GRIN3B: variants seen among roughly 807,000 people sequenced by gnomAD.
GRIN3B encodes glutamate ionotropic receptor NMDA type subunit 3B, also known as glutamate receptor ionotropic, NMDA 3B.
In GRIN3B, 77 loss-of-function variants were observed where a neutral mutation model predicts 66.0. That is an observed-to-expected ratio of 1.17 (90% CI 0.97 to 1.41). The LOEUF is 1.41. Among genes scored for constraint, GRIN3B ranks in the 40% most tolerant of loss-of-function variants. The pLI is 0.00. For synonymous variants in GRIN3B, 823 were observed against 749.7 expected (o/e 1.10, Z -1.60); for missense variants, 1,787 against 1,564.5 (o/e 1.14, Z -2.40).
rs889997671 is a variant in GRIN3B at position 1,003,721 on chromosome 19, C to T, written c.1018C>T (p.Arg340Trp). ...CGAGTCCCCGGGGCGCTTCTTGGCACGGTGAGTGGGGACCCTGCTTCCCTT... is the reference window on the plus strand; with the variant it reads ...CGAGTCCCCGGGGCGCTTCTTGGCATGGTGAGTGGGGACCCTGCTTCCCTT... ...GPESPGRFLA[R>W]FLANTSFQGR... The change falls in exon 2 of 9, where the codon CGG becomes TGG. Residue 340 changes from arginine to tryptophan, a missense_variant and splice_region_variant. Physicochemically the swap from Arg to Trp is moderately radical, Grantham distance 101. Transcript: ENST00000234389. 61 of 1,400,000 alleles carry T rather than the reference C, an allele frequency of 4.4e-5. No homozygotes were observed. The highest frequency in any genetic ancestry group is 8.7e-5 in the East Asian group (3 of 34,496). 86.7% of individuals were successfully genotyped at this position (1,400,000 alleles called of 1,614,324 possible). A position where few individuals can be genotyped will look rare whatever the true frequency, so the allele number is the denominator to read the frequency against.
chr19:1,009,585 C>T lies in GRIN3B; in HGVS notation c.3115C>T (p.Pro1039Ser). 1.4e-6 allele frequency: 2 copies of T among 1,442,820 alleles called. No individual in the cohort carries two copies. Among genetic ancestry groups the T allele is most frequent in the East Asian group, 2.8e-5 (1 of 35,708 alleles). The allele number at this position is 1,442,820 out of a possible 1,614,324, so 89.4% of individuals were successfully genotyped here. ...GGAGGCCCCACCACACTCTGGCCGA[C>T]CGGGGAGCCAGGAATGAGGCGGCAG... is the stretch of plus-strand genomic sequence containing the variant. ...PAEAPPHSGR[P>S]GSQE Residue 1039 changes from proline (P) to serine (S), a missense_variant, in exon 9 of 9, where the codon CCG (proline) becomes TCG (serine). Transcript: ENST00000234389.
At chr19:1,003,815 G>A (rs1403030503) in intron 2 of GRIN3B, 93 bp downstream of exon 2, 27 of 974,498 alleles carry the variant, frequency 2.8e-5, no homozygotes, top group East Asian at 2.3e-4. Context: ...GGCCAGACGC[G>A]GTGGCTCACG....
rs2240154 is a variant in GRIN3B at position 1,003,173 on chromosome 19, C to G, written c.470C>G (p.Thr157Arg). Reference protein sequence around the residue: ...LQLHWASPLETLLDVLVAVLQ... With the variant: ...LQLHWASPLERLLDVLVAVLQ... ...CTGCACTGGGCCAGCCCCCTGGAGA[C>G]GCTGCTGGATGTGCTGGTGGCGGTG... The change falls in exon 2 of 9, where the codon ACG becomes AGG. Residue 157 changes from threonine (T) to arginine (R), a missense_variant. Thr to Arg is a moderately conservative substitution (Grantham distance 71). Coordinates refer to ENST00000234389, the MANE Select transcript of GRIN3B (RefSeq NM_138690.3). The G allele has an allele frequency of 2.7e-6, 4 of 1,494,692 alleles. No homozygotes were observed. In the African/African-American group the frequency reaches 4.4e-5, roughly 16 times the overall value. The allele number at this position is 1,494,692 out of a possible 1,614,324, so 92.6% of individuals were successfully genotyped here. A position where few individuals can be genotyped will look rare whatever the true frequency, so the allele number is the denominator to read the frequency against.
rs763179471 is a variant in GRIN3B, at chr19:1,005,438, T to C, written c.1937T>C (p.Met646Thr). ...TPKCPTGRLL[M>T]NLWAIFCLLV... is the part of the protein sequence containing the mutation. ...AAGTGCCCCACGGGCCGCCTGCTCA[T>C]GAACCTCTGGGCCATCTTCTGCCTG... Residue 646 changes from methionine (M) to threonine (T), a missense_variant, in exon 3 of 9, where the codon ATG becomes ACG. By Grantham distance (81) the Met-to-Thr change is moderately conservative (BLOSUM62 -1). Transcript: ENST00000234389. The surrounding 1 kb of genome is among the most constrained non-coding windows in gnomAD (Gnocchi z 5.2). 5 of 1,613,594 alleles carry C rather than the reference T, an allele frequency of 3.1e-6. No individual in the cohort carries two copies. The South Asian group carries it at 5.5e-5, about 18-fold the overall frequency.
rs1568392180 is a variant in GRIN3B, at chr19:1,007,581, G to A, written c.2053-47G>A. ...AGAACGGCGCGCCCCTCAATGGTCAGGGGTCCTGAGGGGCAGGCAGAGGCG... is the reference window on the plus strand; with the variant it reads ...AGAACGGCGCGCCCCTCAATGGTCAAGGGTCCTGAGGGGCAGGCAGAGGCG... On this transcript the variant is annotated intron_variant, in intron 3 of 8. Transcript: ENST00000234389. The surrounding 1 kb of genome is among the most constrained non-coding windows in gnomAD (Gnocchi z 4.4). The A allele has an allele frequency of 7.0e-7, 1 of 1,423,838 alleles. No individual in the cohort carries two copies. The allele number at this position is 1,423,838 out of a possible 1,614,324, so 88.2% of individuals were successfully genotyped here. A position where few individuals can be genotyped will look rare whatever the true frequency, so the allele number is the denominator to read the frequency against.
Position 1,004,843 on chromosome 19 carries a change from C to A in GRIN3B, c.1342C>A (p.Pro448Thr). 1 of 1,612,272 alleles carries A rather than the reference C, an allele frequency of 6.2e-7. No homozygotes were observed. Among genetic ancestry groups the A allele is most frequent in the Non-Finnish European group, 8.5e-7 (1 of 1,179,328 alleles). ...QCPAGQLCLD[P>T]GTNDSATLDA... ...CCCAGCGGGGCAGCTGTGCCTGGAC[C>A]CTGGCACCAACGACTCGGCCACCCT... is the stretch of plus-strand genomic sequence containing the variant. Residue 448 changes from proline to threonine, a missense_variant, in exon 3 of 9, where the codon CCT becomes ACT. Coordinates refer to ENST00000234389, the MANE Select transcript of GRIN3B (RefSeq NM_138690.3).
chr19:1,001,984 G>T, intron 1 of GRIN3B: 1 of 152,346 alleles, frequency 6.6e-6, no homozygotes, highest in Non-Finnish European at 1.5e-5. Flanking sequence ...CCTGGGAAGC[G>T]CCCTGCCAAC....
Position 1,004,988 on chromosome 19 carries a change from A to G in GRIN3B, c.1487A>G (p.Glu496Gly). 6.8e-6 allele frequency: 11 copies of G among 1,611,998 alleles called. No homozygotes were observed. Among genetic ancestry groups the G allele is most frequent in the Non-Finnish European group, 9.3e-6 (11 of 1,179,580 alleles). Reference sequence around the variant, plus strand: ...GCGGAGGACACGCCCTTCGACTTCGAGCTGTACCTCGTGGGTGACGGCAAG... The same window carrying G: ...GCGGAGGACACGCCCTTCGACTTCGGGCTGTACCTCGTGGGTGACGGCAAG... Reference protein sequence around the residue: ...RLAEDTPFDFELYLVGDGKYG... With the variant: ...RLAEDTPFDFGLYLVGDGKYG... The change falls in exon 3 of 9, where the codon GAG becomes GGG. Residue 496 changes from glutamate to glycine, a missense_variant. By Grantham distance (98) the Glu-to-Gly change is moderately conservative. Transcript: ENST00000234389.
Position 1,004,506 on chromosome 19 carries a change from C to A in GRIN3B, c.1020-15C>A, listed in dbSNP as rs779563219. The A allele has an allele frequency of 6.4e-7, 1 of 1,563,328 alleles. No individual in the cohort carries two copies. Among genetic ancestry groups the A allele is most frequent in the Non-Finnish European group, 8.7e-7 (1 of 1,152,006 alleles). Reference sequence around the variant, plus strand: ...TGAACTTCGACACCTGACACCCCCCCCGCCCTGCCCCTAGGTTCCTGGCCA... The same window carrying A: ...TGAACTTCGACACCTGACACCCCCCACGCCCTGCCCCTAGGTTCCTGGCCA... On this transcript the variant is annotated splice_polypyrimidine_tract_variant and intron_variant, in intron 2 of 8. Coordinates refer to ENST00000234389, the MANE Select transcript of GRIN3B (RefSeq NM_138690.3).
Position 1,008,145 on chromosome 19 carries a change from G to A in GRIN3B, c.2320G>A (p.Gly774Arg). Reference sequence around the variant, plus strand: ...GCCTGGCCCCGCGCCCCCAGGCTATGGGATCGGACTGCCCCAGAACTCGCC... The same window carrying A: ...GCCTGGCCCCGCGCCCCCAGGCTATAGGATCGGACTGCCCCAGAACTCGCC... ...VGKPFAIEGY[G>R]IGLPQNSPLT... The change falls in exon 6 of 9, where the codon GGG (glycine) becomes AGG (arginine). Residue 774 changes from glycine to arginine, a missense_variant. Physicochemically the swap from Gly to Arg is moderately radical, Grantham distance 125. Transcript: ENST00000234389. 1.3e-6 allele frequency: 2 copies of A among 1,594,216 alleles called. No individual in the cohort carries two copies. Among genetic ancestry groups the A allele is most frequent in the African/African-American group, 2.7e-5 (2 of 74,840 alleles).
intron 2 of GRIN3B, among the ~76,000 whole-genome samples, chr19:1,004,301 C>T (rs1341589808): frequency 2.0e-5 from 3 of 152,134 alleles, no homozygotes; most frequent in Non-Finnish European, 2.9e-5. Context: ...TGGCTTCAGG[C>T]GTATGTGGAG....
At position 1,008,782 on chromosome 19, in the gene GRIN3B, G is replaced by A; in HGVS notation, c.2631G>A (p.Gln877=). ...TGCAGTACTGGCTGCACACCAGCCA[G>A]GTGGGGAGCGGGTGGGCGGCGGGCG... ...SRLQYWLHTS[Q]KIHRALNTEP... is the part of the protein sequence containing the mutation. Residue 877 remains glutamine, a splice_region_variant and synonymous_variant, in exon 7 of 9, where the codon CAG becomes CAA. Transcript: ENST00000234389. 2 of 1,599,710 alleles carry A rather than the reference G, an allele frequency of 1.3e-6. No homozygotes were observed. Among genetic ancestry groups the A allele is most frequent in the East Asian group, 2.3e-5 (1 of 44,156 alleles).
chr19:1,001,189 C>T (rs2038681152), intron 1 of GRIN3B, among the ~76,000 whole-genome samples: 1 of 152,082 alleles, frequency 6.6e-6, no homozygotes, highest in African/African-American at 2.4e-5. Context: ...CTGCCCCTTC[C>T]TTGCCCAGGC....
chr19:1,007,671 A>G lies in GRIN3B; in HGVS notation c.2096A>G (p.Glu699Gly). ...GGCTTCCGCTTCGGCACCGTGTGGG[A>G]GAGCAGCGCCGAGGCGTACATCAAG... ...AQGFRFGTVW[E>G]SSAEAYIKKS... The change falls in exon 4 of 9, where the codon GAG (glutamate) becomes GGG (glycine). Residue 699 changes from glutamate (E) to glycine (G), a missense_variant. Coordinates refer to ENST00000234389, the MANE Select transcript of GRIN3B (RefSeq NM_138690.3). The surrounding 1 kb of genome is among the most constrained non-coding windows in gnomAD (Gnocchi z 4.4). 6.5e-7 allele frequency: 1 copy of G among 1,534,410 alleles called. No homozygotes were observed. The highest frequency in any genetic ancestry group is 1.4e-5 in the African/African-American group (1 of 71,892).
rs755385031 is a variant in GRIN3B at position 1,008,714 on chromosome 19, T to G, written c.2563T>G (p.Phe855Val). 3 of 1,608,866 alleles carry G rather than the reference T, an allele frequency of 1.9e-6. No homozygotes were observed. In the South Asian group the frequency reaches 3.3e-5, roughly 18 times the overall value. ...ALLSSLGEHA[F>V]FRLALPRIRK... Reference sequence around the variant, plus strand: ...GCTCAGCTCGCTGGGCGAGCACGCCTTCTTCCGCCTGGCGCTGCCGCGCAT... The same window carrying G: ...GCTCAGCTCGCTGGGCGAGCACGCCGTCTTCCGCCTGGCGCTGCCGCGCAT... Residue 855 changes from phenylalanine (F) to valine (V), a missense_variant, in exon 7 of 9, where the codon TTC becomes GTC. Physicochemically the swap from Phe to Val is conservative, Grantham distance 50 (BLOSUM62 -1). Transcript: ENST00000234389.
rs1030800158 is a variant in GRIN3B, at chr19:1,000,831, C to T, written c.394C>T (p.Arg132Trp). ...ATETPVLSLL[R>W]REARAPLGAP... ...CGAGACCCCCGTGCTCAGCCTGCTG[C>T]GGCGGGAGGCGCGCGCGCCCCTCGG... The change falls in exon 1 of 9, where the codon CGG (arginine) becomes TGG (tryptophan). Residue 132 changes from arginine to tryptophan, a missense_variant. Transcript: ENST00000234389. 2 of 1,438,968 alleles carry T rather than the reference C, an allele frequency of 1.4e-6. No homozygotes were observed. The highest frequency in any genetic ancestry group is 3.0e-5 in the East Asian group (1 of 32,948). The allele number at this position is 1,438,968 out of a possible 1,614,324, so 89.1% of individuals were successfully genotyped here.
chr19:1,009,481 GCGGCC>G lies in GRIN3B; in HGVS notation c.3012_3016del (p.Gly1005AlafsTer74). ...CGGCTCCGCCAGGCCCTGGTGCGGC[GCGGCC>G]AGCTCCTGGCACAGCTCGGGGACAG... On this transcript the variant is annotated frameshift_variant, in exon 9 of 9. Transcript: ENST00000234389. LOFTEE classifies it low-confidence loss of function (END_TRUNC). 6.7e-7 allele frequency: 1 copy of G among 1,489,640 alleles called. No individual in the cohort carries two copies. The allele number at this position is 1,489,640 out of a possible 1,614,324, so 92.3% of individuals were successfully genotyped here.
Position 1,000,838 on chromosome 19 carries a change from A to G in GRIN3B, c.401A>G (p.Glu134Gly), listed in dbSNP as rs886877480. 2.1e-6 allele frequency: 3 copies of G among 1,418,690 alleles called. No homozygotes were observed. Among genetic ancestry groups the G allele is most frequent in the Admixed American group, 2.9e-5 (1 of 34,252 alleles). The allele number at this position is 1,418,690 out of a possible 1,614,324, so 87.9% of individuals were successfully genotyped here. A position where few individuals can be genotyped will look rare whatever the true frequency, so the allele number is the denominator to read the frequency against. ...CCCGTGCTCAGCCTGCTGCGGCGGG[A>G]GGCGCGCGCGCCCCTCGGAGCCCCG... ...ETPVLSLLRR[E>G]ARAPLGAPNP... The change falls in exon 1 of 9, where the codon GAG becomes GGG. Residue 134 changes from glutamate to glycine, a missense_variant. By Grantham distance (98) the Glu-to-Gly change is moderately conservative (BLOSUM62 -2). Transcript: ENST00000234389.
rs144440136 is a variant in GRIN3B, at chr19:1,000,666, G to A, written c.229G>A (p.Ala77Thr). ...CAACCTGAGCTTGGAGCTGGTGGTC[G>A]CCGCGCCCCCCGCCCGCGACCCCGC... Reference protein sequence around the residue: ...PHNLSLELVVAAPPARDPASL... With the variant: ...PHNLSLELVVTAPPARDPASL... The change falls in exon 1 of 9, where the codon GCC becomes ACC. Residue 77 changes from alanine to threonine, a missense_variant. Coordinates refer to ENST00000234389, the MANE Select transcript of GRIN3B (RefSeq NM_138690.3). 4.9e-3 allele frequency: 6,450 copies of A among 1,324,014 alleles called. 288 individuals are homozygous for A. The African/African-American group carries it at 0.091, about 19-fold the overall frequency. The allele number at this position is 1,324,014 out of a possible 1,614,324, so 82.0% of individuals were successfully genotyped here.
Sources: allele counts gnomAD v4.1 joint callset (sites outside exome capture counted in the v4.1 genomes callset), GRCh38; gene constraint gnomAD v4.1.1; non-coding constraint Gnocchi (gnomAD v3.1); transcripts MANE v1.5; gene names NCBI Gene and HGNC (gene_info 2026-07-23, HGNC 2026-07-21).